GRIA1: variants seen among roughly 807,000 people sequenced by gnomAD.
GRIA1 encodes the protein glutamate ionotropic receptor AMPA type subunit 1, also known as glutamate receptor 1.
In GRIA1, 31 loss-of-function variants were observed where a neutral mutation model predicts 99.2. That is an observed-to-expected ratio of 0.31 (90% CI 0.23 to 0.42). The LOEUF (loss-of-function observed/expected upper bound fraction) is 0.42, where lower values mean the gene tolerates loss of function less well. Ranked by LOEUF, GRIA1 falls within the 10% of genes least tolerant of loss-of-function variation. The probability of loss-of-function intolerance (pLI) is 1.00; values close to 1 mark genes in which losing one functional copy is unlikely to be tolerated. For missense variants in GRIA1, 782 were observed against 1,157.5 expected, an observed-to-expected ratio of 0.68 and a Z score of 4.71; for synonymous variants, 438 against 432.4, an observed-to-expected ratio of 1.01 and a Z score of -0.16.
chr5:153,762,332 G>C (rs1163195143), intron 11 of GRIA1, among the ~76,000 whole-genome samples: 1 of 151,970 alleles, frequency 6.6e-6, no homozygotes, highest in Non-Finnish European at 1.5e-5. Context: ...TTTTAAAAAG[G>C]AAAGAGGTAC....
intron 2 of GRIA1, among the ~76,000 whole-genome samples, chr5:153,587,628 G>T (rs1027492358): frequency 1.3e-5 from 2 of 152,068 alleles, no homozygotes; most frequent in African/African-American, 4.8e-5. Flanking sequence ...GTCAGGTCTT[G>T]CATCATACCT....
At chr5:153,789,381 T>A (rs1316716026) in intron 13 of GRIA1, among the ~76,000 whole-genome samples, 1 of 150,838 alleles carries the variant, frequency 6.6e-6, no homozygotes, top group Non-Finnish European at 1.5e-5. Context: ...TGTGTATATA[T>A]ATGATAATTT....
chr5:153,588,626 G>A (rs1412914928), intron 2 of GRIA1, among the ~76,000 whole-genome samples: 1 of 152,116 alleles, frequency 6.6e-6, no homozygotes, highest in Non-Finnish European at 1.5e-5. Context: ...TGAGCCTATG[G>A]TTTTATACTT....
intron 2 of GRIA1, among the ~76,000 whole-genome samples, chr5:153,496,985 G>C (rs964034150): frequency 5.3e-5 from 8 of 152,094 alleles, no homozygotes; most frequent in African/African-American, 1.7e-4. Flanking sequence ...GAGAGGAAGT[G>C]TAATGGGACC....
At chr5:153,564,359 A>G (rs527426415) in intron 2 of GRIA1, among the ~76,000 whole-genome samples, 58 of 152,252 alleles carry the variant, frequency 3.8e-4, no homozygotes, top group Non-Finnish European at 1.0e-4. Context: ...CAGCATAGAG[A>G]TTAAGAACCT....
chr5:153,665,536 G>A (rs1755682857), intron 5 of GRIA1, among the ~76,000 whole-genome samples: 1 of 152,192 alleles, frequency 6.6e-6, no homozygotes, highest in Non-Finnish European at 1.5e-5. Flanking sequence ...GCTAAAATAG[G>A]AAAATGTGAA....
chr5:153,804,752 T>A (rs1044640004), intron 15 of GRIA1, among the ~76,000 whole-genome samples: 2 of 151,312 alleles, frequency 1.3e-5, no homozygotes, highest in South Asian at 2.1e-4. Context: ...TTTATTTATT[T>A]ATTTATTTAT....
chr5:153,569,115 T>C (rs1270032213), intron 2 of GRIA1, among the ~76,000 whole-genome samples: 1 of 152,222 alleles, frequency 6.6e-6, no homozygotes, highest in Admixed American at 6.5e-5. Flanking sequence ...CAGGTCTTCA[T>C]AACTAAATTG....
At chr5:153,637,257 A>G (rs568314449) in intron 2 of GRIA1, among the ~76,000 whole-genome samples, 1 of 152,248 alleles carries the variant, frequency 6.6e-6, no homozygotes, top group Non-Finnish European at 1.5e-5. Flanking sequence ...GGTTCTACTT[A>G]TCATTAATAA....
intron 2 of GRIA1, among the ~76,000 whole-genome samples, chr5:153,592,384 CA>C (rs1764050120): frequency 6.6e-6 from 1 of 151,592 alleles, no homozygotes; most frequent in Admixed American, 6.5e-5. Flanking sequence ...TCAGGAGACC[CA>C]GATTCTAGTC....
chr5:153,780,720 G>A (rs929739754), intron 13 of GRIA1, among the ~76,000 whole-genome samples: 1 of 152,106 alleles, frequency 6.6e-6, no homozygotes, highest in Admixed American at 6.5e-5. Flanking sequence ...AAGAGTTCAT[G>A]GTGTATGAGG....
intron 11 of GRIA1, among the ~76,000 whole-genome samples, chr5:153,730,220 A>G (rs2149556840): frequency 6.6e-6 from 1 of 152,152 alleles, no homozygotes; most frequent in South Asian, 2.1e-4. Context: ...ACAAGCTCTC[A>G]GGTGATGCTG....
chr5:153,712,475 T>G (rs1406999032), intron 11 of GRIA1, among the ~76,000 whole-genome samples: 1 of 152,156 alleles, frequency 6.6e-6, no homozygotes, highest in Non-Finnish European at 1.5e-5. Flanking sequence ...CCAGTATGCC[T>G]TTGGCACTGA....
chr5:153,536,063 C>T (rs1206554785), intron 2 of GRIA1, among the ~76,000 whole-genome samples: 2 of 152,160 alleles, frequency 1.3e-5, no homozygotes, highest in Non-Finnish European at 2.9e-5. Flanking sequence ...GGAAATCCAG[C>T]CTCCGTAGTG....
chr5:153,508,388 CAT>C (rs1755740625), intron 2 of GRIA1, among the ~76,000 whole-genome samples: 1 of 151,898 alleles, frequency 6.6e-6, no homozygotes, highest in African/African-American at 2.4e-5. Flanking sequence ...TAAAAAGTCA[CAT>C]GTGGCTAGTG....
intron 2 of GRIA1, among the ~76,000 whole-genome samples, chr5:153,602,099 T>C (rs1325935163): frequency 6.6e-6 from 1 of 152,230 alleles, no homozygotes; most frequent in Non-Finnish European, 1.5e-5. Context: ...ATTGCAGCAC[T>C]ATTCACAATA....
At chr5:153,776,630 A>C (rs1001237473) in intron 13 of GRIA1, among the ~76,000 whole-genome samples, 2 of 152,230 alleles carry the variant, frequency 1.3e-5, no homozygotes, top group African/African-American at 2.4e-5. Flanking sequence ...TCACCATTTT[A>C]GCCTCACTGG....
rs543405463 is a variant in GRIA1, at chr5:153,580,873, T to C, written c.221-66055T>C. 5.9e-5 allele frequency among the ~76,000 whole-genome samples: 9 copies of C among 152,304 alleles called. No homozygotes were observed. In the South Asian group the frequency reaches 1.7e-3, roughly 28 times the overall value. ...CATCCTGGTACCTTAGCAGTGCTGC[T>C]CAGTGGGACGTCTCTGACTTTGATG... On this transcript the variant is annotated intron_variant, in intron 2 of 15. Transcript: ENST00000285900.
chr5:153,678,156 A>G (rs377572014), intron 7 of GRIA1, among the ~76,000 whole-genome samples: 24 of 152,336 alleles, frequency 1.6e-4, no homozygotes, highest in African/African-American at 5.5e-4. Context: ...TTAAGACGAC[A>G]TTCAGCAGAA....
Sources: allele counts gnomAD v4.1 joint callset (sites outside exome capture counted in the v4.1 genomes callset), GRCh38; gene constraint gnomAD v4.1.1; transcripts MANE v1.5; gene names NCBI Gene and HGNC (gene_info 2026-07-23, HGNC 2026-07-21).